KRTAP6-3: variants seen among roughly 807,000 people sequenced by gnomAD.
KRTAP6-3 encodes the protein keratin-associated protein 6-3.
For missense variants in KRTAP6-3, 121 were observed against 133.1 expected (o/e 0.91, Z 0.45); for synonymous variants, 62 against 57.5 (o/e 1.08, Z -0.36).
At position 30,592,482 on chromosome 21, in the gene KRTAP6-3, T is replaced by C; in HGVS notation, c.37T>C (p.Tyr13His). ...AACCAACACCATGTGTGGCAGCTAC[T>C]ACAGAAACTACAATGGTGGCCATGG... The change falls in exon 1 of 1, where the codon TAC becomes CAC. Residue 13 changes from tyrosine to histidine, a missense_variant. Physicochemically the swap from Tyr to His is moderately conservative, Grantham distance 83. Transcript: ENST00000391624. 6.2e-7 allele frequency: 1 copy of C among 1,611,468 alleles called. No individual in the cohort carries two copies. The highest frequency in any genetic ancestry group is 8.5e-7 in the Non-Finnish European group (1 of 1,178,612).
Position 30,592,585 on chromosome 21 carries a change from T to G in KRTAP6-3, c.140T>G (p.Leu47Arg). Reference sequence around the variant, plus strand: ...TATGGGTGCTGTGGCTACGGAGGCCTGGGCTTTGGCTATGGAGGCCTGGAC... The same window carrying G: ...TATGGGTGCTGTGGCTACGGAGGCCGGGGCTTTGGCTATGGAGGCCTGGAC... Residue 47 changes from leucine to arginine, a missense_variant, in exon 1 of 1, where the codon CTG (leucine) becomes CGG (arginine). By Grantham distance (102) the Leu-to-Arg change is moderately radical. Coordinates refer to ENST00000391624, the MANE Select transcript of KRTAP6-3 (RefSeq NM_181605.4). The G allele has an allele frequency of 6.2e-7, 1 of 1,610,742 alleles. No homozygotes were observed. Among genetic ancestry groups the G allele is most frequent in the Non-Finnish European group, 8.5e-7 (1 of 1,178,106 alleles).
rs770399639 is a variant in KRTAP6-3, at chr21:30,592,543, G to T, written c.98G>T (p.Gly33Val). ...TGTGGCTACGGAGGCCTGGGCTGTG[G>T]TTATGGCGGCTGTGGCTATGGGTGC... The change falls in exon 1 of 1, where the codon GGT becomes GTT. Residue 33 changes from glycine to valine, a missense_variant. Coordinates refer to ENST00000391624, the MANE Select transcript of KRTAP6-3 (RefSeq NM_181605.4). The T allele has an allele frequency of 3.7e-6, 6 of 1,613,474 alleles. No individual in the cohort carries two copies. In the South Asian group the frequency reaches 4.4e-5, roughly 12 times the overall value.
rs1048717129 is a variant in KRTAP6-3, at chr21:30,592,505, T to C, written c.60T>C (p.His20=). ...ACTACAGAAACTACAATGGTGGCCA[T>C]GGCTATGGGTGCTGTGGCTACGGAG... The change falls in exon 1 of 1, where the codon CAT becomes CAC. Residue 20 remains histidine (H), a synonymous_variant. Transcript: ENST00000391624. 3.1e-6 allele frequency: 5 copies of C among 1,613,554 alleles called. No homozygotes were observed. The highest frequency in any genetic ancestry group is 4.2e-6 in the Non-Finnish European group (5 of 1,179,810).
rs1435899368 is a variant in KRTAP6-3 at position 30,592,546 on chromosome 21, A to G, written c.101A>G (p.Tyr34Cys). ...GGCTACGGAGGCCTGGGCTGTGGTT[A>G]TGGCGGCTGTGGCTATGGGTGCTGT... The change falls in exon 1 of 1, where the codon TAT becomes TGT. Residue 34 changes from tyrosine (Y) to cysteine (C), a missense_variant. Physicochemically the swap from Tyr to Cys is radical, Grantham distance 194. Coordinates refer to ENST00000391624, the MANE Select transcript of KRTAP6-3 (RefSeq NM_181605.4). 1 of 1,613,352 alleles carries G rather than the reference A, an allele frequency of 6.2e-7. No homozygotes were observed.
rs1980081884 is a variant in KRTAP6-3 at position 30,592,859 on chromosome 21, C to G, written c.*81C>G. ...TGAAGCCCACATGCTCTGAGCCTTT[C>G]CCTTGATTGATGATATCCTGCAGTG... On this transcript the variant is annotated 3_prime_UTR_variant, in exon 1 of 1. Coordinates refer to ENST00000391624, the MANE Select transcript of KRTAP6-3 (RefSeq NM_181605.4). 6.9e-7 allele frequency: 1 copy of G among 1,457,694 alleles called. No homozygotes were observed. Among genetic ancestry groups the G allele is most frequent in the East Asian group, 2.5e-5 (1 of 40,024 alleles). 90.3% of individuals were successfully genotyped at this position (1,457,694 alleles called of 1,614,324 possible). A position where few individuals can be genotyped will look rare whatever the true frequency, so the allele number is the denominator to read the frequency against.
rs1049883055 is a variant in KRTAP6-3, at chr21:30,593,002, G to C, written c.*224G>C. ...CACTTCTCCTTTTATCAGGATGATG[G>C]TGTCACAGTGACTCCTTTGATGACT... is the stretch of plus-strand genomic sequence containing the variant. On this transcript the variant is annotated 3_prime_UTR_variant, in exon 1 of 1. Transcript: ENST00000391624. The C allele has an allele frequency of 3.6e-6, 3 of 835,580 alleles. No homozygotes were observed. The highest frequency in any genetic ancestry group is 5.2e-6 in the Non-Finnish European group (3 of 576,168). 51.8% of individuals were successfully genotyped at this position (835,580 alleles called of 1,614,324 possible).
At position 30,592,677 on chromosome 21, in the gene KRTAP6-3, T is replaced by A; in HGVS notation, c.232T>A (p.Cys78Ser). ...TGGCTGTGGCTACAGAGGCCTGGAC[T>A]GTGGCTATGGCTGTGGCTATGGCTA... The change falls in exon 1 of 1, where the codon TGT becomes AGT. Residue 78 changes from cysteine to serine, a missense_variant. Physicochemically the swap from Cys to Ser is moderately radical, Grantham distance 112. Transcript: ENST00000391624. The A allele has an allele frequency of 6.2e-7, 1 of 1,613,762 alleles. No individual in the cohort carries two copies. The highest frequency in any genetic ancestry group is 8.5e-7 in the Non-Finnish European group (1 of 1,179,806).
Position 30,592,954 on chromosome 21 carries a change from G to A in KRTAP6-3, c.*176G>A. ...ATACCCTGAGTTTCCATCATGAAGT[G>A]GGATAAGGTGAAGTTCACCTGTCAC... On this transcript the variant is annotated 3_prime_UTR_variant, in exon 1 of 1. Transcript: ENST00000391624. 1 of 1,316,580 alleles carries A rather than the reference G, an allele frequency of 7.6e-7. No individual in the cohort carries two copies. The highest frequency in any genetic ancestry group is 2.6e-5 in the East Asian group (1 of 38,916). The allele number at this position is 1,316,580 out of a possible 1,614,324, so 81.6% of individuals were successfully genotyped here. A position where few individuals can be genotyped will look rare whatever the true frequency, so the allele number is the denominator to read the frequency against.
chr21:30,592,842 A>G lies in KRTAP6-3; in HGVS notation c.*64A>G. The G allele has an allele frequency of 6.7e-7, 1 of 1,482,954 alleles. No homozygotes were observed. Among genetic ancestry groups the G allele is most frequent in the Non-Finnish European group, 9.0e-7 (1 of 1,112,556 alleles). 91.9% of individuals were successfully genotyped at this position (1,482,954 alleles called of 1,614,324 possible). On this transcript the variant is annotated 3_prime_UTR_variant, in exon 1 of 1. Coordinates refer to ENST00000391624, the MANE Select transcript of KRTAP6-3 (RefSeq NM_181605.4). ...TTGCAATTCACCAATTCTGAAGCCC[A>G]CATGCTCTGAGCCTTTCCCTTGATT...
rs1288655868 is a variant in KRTAP6-3 at position 30,592,591 on chromosome 21, TTGGCTATGGAGGCCTGGACTG to T, written c.164_184del (p.Asp55_Leu61del). The T allele has an allele frequency of 6.2e-7, 1 of 1,610,360 alleles. No homozygotes were observed. Among genetic ancestry groups the T allele is most frequent in the Admixed American group, 1.7e-5 (1 of 59,708 alleles). ...TGCTGTGGCTACGGAGGCCTGGGCT[TTGGCTATGGAGGCCTGGACTG>T]TGGCTATGGAGGCCTGGGCTGTGGC... On this transcript the variant is annotated inframe_deletion, in exon 1 of 1. Coordinates refer to ENST00000391624, the MANE Select transcript of KRTAP6-3 (RefSeq NM_181605.4).
In KRTAP6-3 at chr21:30,592,527, G is replaced by A. The variant is rs71321338; in HGVS notation, c.82G>A (p.Gly28Arg). Reference sequence around the variant, plus strand: ...CCATGGCTATGGGTGCTGTGGCTACGGAGGCCTGGGCTGTGGTTATGGCGG... The same window carrying A: ...CCATGGCTATGGGTGCTGTGGCTACAGAGGCCTGGGCTGTGGTTATGGCGG... Residue 28 changes from glycine (G) to arginine (R), a missense_variant, in exon 1 of 1, where the codon GGA (glycine) becomes AGA (arginine). By Grantham distance (125) the Gly-to-Arg change is moderately radical. Coordinates refer to ENST00000391624, the MANE Select transcript of KRTAP6-3 (RefSeq NM_181605.4). 47 of 1,613,868 alleles carry A rather than the reference G, an allele frequency of 2.9e-5. No homozygotes were observed. Among genetic ancestry groups the A allele is most frequent in the African/African-American group, 1.3e-4 (10 of 74,988 alleles).
In KRTAP6-3 at chr21:30,592,780, G is replaced by A. The variant is rs1463723770; in HGVS notation, c.*2G>A. ...TCCAGCTTTGGCTACTACTATTGAGGACACCATGGGAGACTCTCACCCTCT... is the reference window on the plus strand; with the variant it reads ...TCCAGCTTTGGCTACTACTATTGAGAACACCATGGGAGACTCTCACCCTCT... On this transcript the variant is annotated 3_prime_UTR_variant, in exon 1 of 1. Transcript: ENST00000391624. The A allele has an allele frequency of 1.3e-6, 2 of 1,585,836 alleles. No individual in the cohort carries two copies. Among genetic ancestry groups the A allele is most frequent in the Admixed American group, 3.6e-5 (2 of 55,678 alleles).
At chr21:30,592,665 A>T in the KRTAP6-3 span, 1 of 1,613,544 alleles carries the variant, frequency 6.2e-7, no homozygotes, top group Non-Finnish European at 8.5e-7. Flanking sequence ...CTGTGGCTAC[A>T]GAGGCCTGGA....
Position 30,592,789 on chromosome 21 carries a change from G to T in KRTAP6-3, c.*11G>T. Reference sequence around the variant, plus strand: ...GGCTACTACTATTGAGGACACCATGGGAGACTCTCACCCTCTATCCTGTGA... The same window carrying T: ...GGCTACTACTATTGAGGACACCATGTGAGACTCTCACCCTCTATCCTGTGA... On this transcript the variant is annotated 3_prime_UTR_variant, in exon 1 of 1. Transcript: ENST00000391624. 1 of 1,576,546 alleles carries T rather than the reference G, an allele frequency of 6.3e-7. No individual in the cohort carries two copies. Among genetic ancestry groups the T allele is most frequent in the Admixed American group, 1.8e-5 (1 of 54,590 alleles).
In KRTAP6-3 at chr21:30,592,714, CCTT is replaced by C. The variant is rs1442844739; in HGVS notation, c.272_274del (p.Phe91del). On this transcript the variant is annotated inframe_deletion, in exon 1 of 1. Coordinates refer to ENST00000391624, the MANE Select transcript of KRTAP6-3 (RefSeq NM_181605.4). ...TGTGGCTATGGCTATGTCTCCCACT[CCTT>C]CTGTGGCTGTGGCTATAGGTGCGGC... 7 of 1,612,940 alleles carry C rather than the reference CCTT, an allele frequency of 4.3e-6. No homozygotes were observed. Among genetic ancestry groups the C allele is most frequent in the East Asian group, 4.5e-5 (2 of 44,820 alleles).
chr21:30,592,642 G>A lies in KRTAP6-3; in HGVS notation c.197G>A (p.Gly66Asp), dbSNP rs763761475. ...TATGGAGGCCTGGGCTGTGGCTATG[G>A]CTCCTTCTGTGGCTGTGGCTACAGA... is the stretch of plus-strand genomic sequence containing the variant. Residue 66 changes from glycine (G) to aspartate (D), a missense_variant, in exon 1 of 1, where the codon GGC becomes GAC. Transcript: ENST00000391624. The A allele has an allele frequency of 2.4e-5, 38 of 1,613,650 alleles. 1 individual carries two copies. Among genetic ancestry groups the A allele is most frequent in the South Asian group, 1.5e-4 (14 of 91,074 alleles).
In KRTAP6-3 at chr21:30,593,030, C is replaced by A; in HGVS notation, c.*252C>A. The A allele has an allele frequency of 1.7e-6, 1 of 580,584 alleles. No individual in the cohort carries two copies. The highest frequency in any genetic ancestry group is 2.7e-6 in the Non-Finnish European group (1 of 365,544). The allele number at this position is 580,584 out of a possible 1,614,324, so 36.0% of individuals were successfully genotyped here. On this transcript the variant is annotated 3_prime_UTR_variant, in exon 1 of 1. Transcript: ENST00000391624. ...TCACAGTGACTCCTTTGATGACTTT[C>A]ATGCTGTAGTTTGTTTCTCTGCTGA... is the stretch of plus-strand genomic sequence containing the variant.
rs773276891 is a variant in KRTAP6-3, at chr21:30,592,469, G to A, written c.24G>A (p.Met8Ile). The change falls in exon 1 of 1, where the codon ATG (methionine) becomes ATA (isoleucine). Residue 8 changes from methionine (M) to isoleucine (I), a missense_variant. By Grantham distance (10) the Met-to-Ile change is conservative. Transcript: ENST00000391624. ...GGATGACCTCAACAACCAACACCATGTGTGGCAGCTACTACAGAAACTACA... is the reference window on the plus strand; with the variant it reads ...GGATGACCTCAACAACCAACACCATATGTGGCAGCTACTACAGAAACTACA... 1.8e-5 allele frequency: 29 copies of A among 1,606,690 alleles called. No individual in the cohort carries two copies. The Admixed American group carries it at 2.3e-4, about 13-fold the overall frequency.
rs1341343961 is a variant in KRTAP6-3 at position 30,592,976 on chromosome 21, T to C, written c.*198T>C. ...AGTGGGATAAGGTGAAGTTCACCTG[T>C]CACTTCTCCTTTTATCAGGATGATG... On this transcript the variant is annotated 3_prime_UTR_variant, in exon 1 of 1. Coordinates refer to ENST00000391624, the MANE Select transcript of KRTAP6-3 (RefSeq NM_181605.4). 9.3e-7 allele frequency: 1 copy of C among 1,078,762 alleles called. No homozygotes were observed. The highest frequency in any genetic ancestry group is 1.3e-6 in the Non-Finnish European group (1 of 782,654). The allele number at this position is 1,078,762 out of a possible 1,614,324, so 66.8% of individuals were successfully genotyped here. A position where few individuals can be genotyped will look rare whatever the true frequency, so the allele number is the denominator to read the frequency against.
Sources: gnomAD v4.1 joint callset for allele counts on GRCh38, gnomAD v4.1.1 for gene constraint, MANE v1.5 for transcripts, NCBI Gene and HGNC (gene_info 2026-07-23, HGNC 2026-07-21) for gene names.